The following ERBB4 variants were observed in gnomAD, a reference collection of about 807,000 sequenced individuals.
ERBB4 encodes the protein receptor tyrosine-protein kinase erbB-4.
Under a neutral mutation model 158.0 loss-of-function variants are expected in ERBB4, and 42 were observed. That is an observed-to-expected ratio of 0.27 (90% CI 0.21 to 0.34). The LOEUF (loss-of-function observed/expected upper bound fraction) is 0.34, where lower values mean the gene tolerates loss of function less well. Among genes scored for constraint, ERBB4 ranks in the 10% least tolerant of loss-of-function variants. ERBB4 has a pLI of 1.00. For synonymous variants in ERBB4, 583 were observed against 558.7 expected, an observed-to-expected ratio of 1.04 and a Z score of -0.61; for missense variants, 1,333 against 1,624.1, an observed-to-expected ratio of 0.82 and a Z score of 3.08.
chr2:212,522,574 A>C (rs967521563), intron 1 of ERBB4, among the ~76,000 whole-genome samples: 1 of 151,996 alleles, frequency 6.6e-6, no homozygotes, highest in African/African-American at 2.4e-5. Flanking sequence ...GAGGTAAGAC[A>C]GGGGAGGGCA....
intron 2 of ERBB4, among the ~76,000 whole-genome samples, chr2:211,971,559 C>T (rs981812831): frequency 1.3e-5 from 2 of 152,044 alleles, no homozygotes; most frequent in African/African-American, 4.8e-5. Flanking sequence ...TCTATGAGAC[C>T]AGTATCATCC....
At chr2:211,509,211 G>C (rs1303618499) in intron 20 of ERBB4, among the ~76,000 whole-genome samples, 1 of 151,926 alleles carries the variant, frequency 6.6e-6, no homozygotes, top group Non-Finnish European at 1.5e-5. Context: ...GGGAGGGAGA[G>C]GATTAGGACA....
intron 1 of ERBB4, among the ~76,000 whole-genome samples, chr2:212,439,421 A>G (rs1056885043): frequency 1.3e-5 from 2 of 152,154 alleles, no homozygotes; most frequent in Non-Finnish European, 1.5e-5. Context: ...TGACAAATGT[A>G]CCGTCTCCAA....
At chr2:211,672,070 T>C (rs78399450) in intron 14 of ERBB4, among the ~76,000 whole-genome samples, 1,938 of 152,232 alleles carry the variant, frequency 0.013, 52 homozygotes, top group African/African-American at 0.044. Context: ...AACTGGCCAA[T>C]TTTTCCACAT....
intron 19 of ERBB4, among the ~76,000 whole-genome samples, chr2:211,603,435 C>T (rs999828631): frequency 6.6e-6 from 1 of 151,704 alleles, no homozygotes; most frequent in African/African-American, 2.4e-5. Flanking sequence ...TGAACAACAC[C>T]TACATAGCAA....
intron 19 of ERBB4, among the ~76,000 whole-genome samples, chr2:211,574,695 C>T (rs921251744): frequency 1.3e-5 from 2 of 152,146 alleles, no homozygotes; most frequent in African/African-American, 4.8e-5. Flanking sequence ...ATAAATCATT[C>T]CAGGCTGTAG....
chr2:212,223,218 A>G (rs1266945748), intron 1 of ERBB4, among the ~76,000 whole-genome samples: 1 of 151,134 alleles, frequency 6.6e-6, no homozygotes, highest in Non-Finnish European at 1.5e-5. Context: ...TTACTAGTCA[A>G]GTAATGTTTC....
intron 25 of ERBB4, among the ~76,000 whole-genome samples, chr2:211,406,644 G>T (rs2063154292): frequency 6.6e-6 from 1 of 152,108 alleles, no homozygotes; most frequent in Non-Finnish European, 1.5e-5. Context: ...AGCCTCAAGG[G>T]ACTCTCGAGC....
intron 1 of ERBB4, among the ~76,000 whole-genome samples, chr2:212,483,219 A>T (rs1416888929): frequency 3.3e-5 from 5 of 152,340 alleles, no homozygotes; most frequent in South Asian, 2.1e-4. Context: ...GGAACAGATG[A>T]CTGACGTGAT....
At chr2:212,533,492 C>T (rs114014559) in intron 1 of ERBB4, among the ~76,000 whole-genome samples, 1,851 of 152,322 alleles carry the variant, frequency 0.012, 40 homozygotes, top group African/African-American at 0.043. Flanking sequence ...AACAATGTGA[C>T]TACGTCCCAT....
At chr2:212,230,490 AATTC>A (rs1222760135) in intron 1 of ERBB4, among the ~76,000 whole-genome samples, 4 of 152,190 alleles carry the variant, frequency 2.6e-5, no homozygotes, top group Non-Finnish European at 5.9e-5. Flanking sequence ...CAAATTGCCA[AATTC>A]ATTGTCAAAC....
intron 2 of ERBB4, among the ~76,000 whole-genome samples, chr2:211,961,400 G>T (rs959138517): frequency 6.6e-6 from 1 of 152,132 alleles, no homozygotes; most frequent in Non-Finnish European, 1.5e-5. Flanking sequence ...AATCTCTTTT[G>T]ATACAGTATC....
intron 3 of ERBB4, among the ~76,000 whole-genome samples, chr2:211,842,173 T>A (rs146396388): frequency 6.6e-6 from 1 of 152,024 alleles, no homozygotes; most frequent in Non-Finnish European, 1.5e-5. Context: ...TTTTTTTGAA[T>A]ATTGTTGCTT....
At chr2:211,677,710 C>T (rs1205272804) in intron 13 of ERBB4, among the ~76,000 whole-genome samples, 1 of 150,062 alleles carries the variant, frequency 6.7e-6, no homozygotes, top group African/African-American at 2.5e-5. Context: ...CCGTCTCTAC[C>T]AAAAATACAA....
intron 2 of ERBB4, among the ~76,000 whole-genome samples, chr2:212,060,599 G>GGCCGGGCGTGGTGGCT (rs1575582700): frequency 7.2e-6 from 1 of 138,620 alleles, no homozygotes; most frequent in South Asian, 2.5e-4. Flanking sequence ...AGAGTATGTG[G>GGCCGGGCGTGGTGGCT]CACATATACA....
At chr2:211,510,085 A>G (rs2065850433) in intron 20 of ERBB4, among the ~76,000 whole-genome samples, 1 of 152,174 alleles carries the variant, frequency 6.6e-6, no homozygotes, top group African/African-American at 2.4e-5. Flanking sequence ...ACTACTGGGT[A>G]TCTACCCAAA....
chr2:212,373,740 TATATATATCCATGTATATATCCAC>T (rs1444749272), intron 1 of ERBB4, among the ~76,000 whole-genome samples: 1 of 145,876 alleles, frequency 6.9e-6, no homozygotes, highest in Non-Finnish European at 1.5e-5. Flanking sequence ...TATATATCCA[TATATATATCCATGTATATATCCAC>T]GTATATATCC....
chr2:212,166,863 T>C (rs942111082), intron 1 of ERBB4, among the ~76,000 whole-genome samples: 20 of 152,136 alleles, frequency 1.3e-4, no homozygotes, highest in Admixed American at 1.3e-4. Context: ...ATTCCATAAA[T>C]GGTGCTGGGA....
rs143684347 is a variant in ERBB4 at position 211,485,188 on chromosome 2, T to A, written c.2488-54088A>T. 9.5e-4 allele frequency among the ~76,000 whole-genome samples: 144 copies of A among 152,286 alleles called. 1 individual carries two copies. The highest frequency in any genetic ancestry group is 3.2e-3 in the African/African-American group (132 of 41,566). On this transcript the variant is annotated intron_variant, in intron 20 of 27. Coordinates refer to ENST00000342788, the MANE Select transcript of ERBB4 (RefSeq NM_005235.3). ...CTGATAGCTACTTTCATTTACCTTC[T>A]TTTTGTGTCTTAGTTTTACAAATCT...
Sources: allele counts gnomAD v4.1 joint callset (sites outside exome capture counted in the v4.1 genomes callset), GRCh38; gene constraint gnomAD v4.1.1; transcripts MANE v1.5; gene names NCBI Gene and HGNC (gene_info 2026-07-23, HGNC 2026-07-21).